SNPH: variants seen among roughly 807,000 people sequenced by gnomAD.
The protein encoded by SNPH is syntaphilin.
Under a neutral mutation model 36.8 loss-of-function variants are expected in SNPH, and 10 were observed. That is an observed-to-expected ratio of 0.27 (90% confidence interval 0.17 to 0.46). The LOEUF (loss-of-function observed/expected upper bound fraction) is 0.46, where lower values mean the gene tolerates loss of function less well. SNPH is among the 20% of genes least tolerant of loss of function. The pLI is 1.00. For synonymous variants in SNPH, 281 were observed against 312.2 expected (o/e 0.90, Z 1.05); for missense variants, 622 against 744.0 (o/e 0.84, Z 1.91).
At chr20:1,283,524 C>T (rs550484706) in intron 2 of SNPH, among the ~76,000 whole-genome samples, 71 of 152,342 alleles carry the variant, frequency 4.7e-4, no homozygotes, top group African/African-American at 1.7e-3. Context: ...TGCAGGAATG[C>T]AGGCACAGAG....
intron 2 of SNPH, among the ~76,000 whole-genome samples, chr20:1,282,414 G>A (rs781041275): frequency 2.6e-5 from 4 of 152,284 alleles, no homozygotes; most frequent in East Asian, 3.9e-4. Context: ...CCATATGGGC[G>A]ATTCTTAAAC....
chr20:1,288,727 T>C (rs1382930985), intron 2 of SNPH, among the ~76,000 whole-genome samples: 1 of 151,676 alleles, frequency 6.6e-6, no homozygotes, highest in Non-Finnish European at 1.5e-5. Context: ...GCTCAAGATA[T>C]TCTCCTGTCT....
At chr20:1,282,732 C>T (rs918294880) in intron 2 of SNPH, among the ~76,000 whole-genome samples, 6 of 152,128 alleles carry the variant, frequency 3.9e-5, no homozygotes, top group African/African-American at 7.2e-5. Context: ...TTATAACATA[C>T]GGGAAAGAAA....
chr20:1,280,683 C>T (rs540845281), intron 2 of SNPH, among the ~76,000 whole-genome samples: 38 of 152,298 alleles, frequency 2.5e-4, no homozygotes, highest in South Asian at 1.0e-3. Context: ...CATACTGTAC[C>T]AGGCTTTGTC....
At position 1,276,479 on chromosome 20, in the gene SNPH, A is replaced by G. The variant is rs1199067128; in HGVS notation, c.-493+9719A>G. 1.3e-5 allele frequency among the ~76,000 whole-genome samples: 2 copies of G among 152,200 alleles called. No individual in the cohort carries two copies. Among genetic ancestry groups the G allele is most frequent in the African/African-American group, 4.8e-5 (2 of 41,456 alleles). On this transcript the variant is annotated intron_variant, in intron 2 of 6. Transcript: ENST00000381867. The surrounding 1 kb of genome is among the most constrained non-coding windows in gnomAD (Gnocchi z 4.6). ...CGTGGACTGACTTTGTGACTGGGCA[A>G]GTCACTTAATTTATCTGACCCTTAG... is the stretch of plus-strand genomic sequence containing the variant.
At chr20:1,291,510 T>C (rs560680998) in intron 2 of SNPH, among the ~76,000 whole-genome samples, 1 of 152,338 alleles carries the variant, frequency 6.6e-6, no homozygotes, top group Admixed American at 6.5e-5. Context: ...GTGTGGCTGC[T>C]GGAACACTCC....
In SNPH at chr20:1,266,800, T is replaced by C. The variant is rs902092335; in HGVS notation, c.-493+40T>C. The C allele has an allele frequency of 1.1e-5, 14 of 1,315,420 alleles. No individual in the cohort carries two copies. The African/African-American group carries it at 1.7e-4, about 16-fold the overall frequency. The allele number at this position is 1,315,420 out of a possible 1,614,324, so 81.5% of individuals were successfully genotyped here. A position where few individuals can be genotyped will look rare whatever the true frequency, so the allele number is the denominator to read the frequency against. ...GCGGAGCGGGGAGCTGGCCCTGCGC[T>C]GCACCGCGGCAGGTGGGGGCCGCTT... is the stretch of plus-strand genomic sequence containing the variant. On this transcript the variant is annotated intron_variant, in intron 2 of 6. Transcript: ENST00000381867. The surrounding 1 kb of genome is among the most constrained non-coding windows in gnomAD (Gnocchi z 6.0).
chr20:1,278,046 C>T (rs1568540191), intron 2 of SNPH, among the ~76,000 whole-genome samples: 2 of 55,318 alleles, frequency 3.6e-5, no homozygotes, highest in Non-Finnish European at 7.2e-5. Context: ...GTATGTGTGC[C>T]TGTGTGTGTG....
chr20:1,280,215 T>C (rs2088200399), intron 2 of SNPH, among the ~76,000 whole-genome samples: 1 of 152,108 alleles, frequency 6.6e-6, no homozygotes, highest in African/African-American at 2.4e-5. Context: ...CACATGTGTG[T>C]GTGTGCATGC....
intron 2 of SNPH, among the ~76,000 whole-genome samples, chr20:1,270,336 A>G (rs935491570): frequency 2.6e-5 from 4 of 152,096 alleles, no homozygotes; most frequent in Non-Finnish European, 2.9e-5. Flanking sequence ...TCTGGAAGCT[A>G]TAAGACATAC....
At chr20:1,282,853 C>T (rs2088242257) in intron 2 of SNPH, among the ~76,000 whole-genome samples, 1 of 152,146 alleles carries the variant, frequency 6.6e-6, no homozygotes, top group African/African-American at 2.4e-5. Context: ...GTGGTCAGCC[C>T]TATGCTAAGA....
In SNPH at chr20:1,309,213, TGTGGGAA is replaced by T. The variant is rs1409999699; in HGVS notation, c.*3165_*3171del. ...TCCCCTTCACGAAGAATTCAGGGGA[TGTGGGAA>T]GTGGGGAGGCGGGGAGGGATCTTGA... On this transcript the variant is annotated 3_prime_UTR_variant, in exon 7 of 7. Transcript: ENST00000381867. 4 of 152,568 alleles carry T rather than the reference TGTGGGAA, an allele frequency of 2.6e-5. No homozygotes were observed. The highest frequency in any genetic ancestry group is 7.2e-5 in the African/African-American group (3 of 41,432). 9.5% of individuals were successfully genotyped at this position (152,568 alleles called of 1,614,324 possible).
chr20:1,281,249 C>T (rs1207256088), intron 2 of SNPH, among the ~76,000 whole-genome samples: 2 of 152,200 alleles, frequency 1.3e-5, no homozygotes, highest in Non-Finnish European at 2.9e-5. Context: ...CTCACCTCCA[C>T]TCTCATTTTA....
rs372651789 is a variant in SNPH, at chr20:1,300,718, G to T, written c.440+7G>T. ...AGGACCGGCTCCAGGACCGGTGAGC[G>T]GGTGGCCACGAGCAGCCCTGGGGGT... On this transcript the variant is annotated splice_region_variant and intron_variant, in intron 6 of 6. Coordinates refer to ENST00000381867, the MANE Select transcript of SNPH (RefSeq NM_001318234.2). 6.2e-7 allele frequency: 1 copy of T among 1,608,006 alleles called. No homozygotes were observed. Among genetic ancestry groups the T allele is most frequent in the Non-Finnish European group, 8.5e-7 (1 of 1,178,158 alleles).
intron 2 of SNPH, among the ~76,000 whole-genome samples, chr20:1,270,765 A>G (rs563438888): frequency 1.8e-4 from 28 of 152,318 alleles, no homozygotes; most frequent in African/African-American, 6.3e-4. Context: ...CTTCATGTCT[A>G]TTCTAGGCAT....
intron 6 of SNPH, among the ~76,000 whole-genome samples, chr20:1,302,993 A>G (rs780014949): frequency 6.1e-4 from 93 of 152,354 alleles, no homozygotes; most frequent in Non-Finnish European, 1.2e-3. Flanking sequence ...AGAGCAGACC[A>G]TCTGCCCTGT....
intron 4 of SNPH, among the ~76,000 whole-genome samples, chr20:1,296,661 C>T (rs2088439373): frequency 6.6e-6 from 1 of 152,240 alleles, no homozygotes; most frequent in Non-Finnish European, 1.5e-5. Context: ...GCAGTAGCCT[C>T]ATCAATATTG....
intron 6 of SNPH, 23 bp downstream of exon 6, chr20:1,300,734 C>T (rs1468016991): frequency 6.3e-7 from 1 of 1,596,106 alleles, no homozygotes; most frequent in Admixed American, 1.7e-5. Context: ...CCACGAGCAG[C>T]CCTGGGGGTA....
intron 2 of SNPH, among the ~76,000 whole-genome samples, chr20:1,279,615 C>CTTATTTT: frequency 9.0e-6 from 1 of 111,658 alleles, no homozygotes; most frequent in Admixed American, 8.6e-5. Context: ...GAGACTCCGG[C>CTTATTTT]TTCTTTTTTT....
Sources: allele counts gnomAD v4.1 joint callset (sites outside exome capture counted in the v4.1 genomes callset), GRCh38; gene constraint gnomAD v4.1.1; non-coding constraint Gnocchi (gnomAD v3.1); transcripts MANE v1.5; gene names NCBI Gene and HGNC (gene_info 2026-07-23, HGNC 2026-07-21).